The following FER variants were observed in gnomAD, a reference collection of about 807,000 sequenced individuals.
FER encodes the protein tyrosine-protein kinase Fer.
A neutral mutation model predicts 111.0 loss-of-function variants in FER; 63 were observed. That is an observed-to-expected ratio of 0.57 (90% CI 0.46 to 0.70). The LOEUF (loss-of-function observed/expected upper bound fraction) is 0.70, where lower values mean the gene tolerates loss of function less well. Ranked by LOEUF, FER falls within the 30% of genes least tolerant of loss-of-function variation. The pLI is 0.00. For synonymous variants in FER, 327 were observed against 313.9 expected (o/e 1.04, Z -0.44); for missense variants, 914 against 954.0 (o/e 0.96, Z 0.55).
intron 16 of FER, chr5:109,051,474 G>A: frequency 6.2e-7 from 1 of 1,612,988 alleles, no homozygotes; most frequent in Non-Finnish European, 8.5e-7. Flanking sequence ...GTGCGTGGGA[G>A]TTAGAGATGG....
intron 1 of FER, among the ~76,000 whole-genome samples, chr5:108,750,689 A>T (rs1409200232): frequency 1.3e-5 from 2 of 152,244 alleles, no homozygotes. Context: ...TTTACATTTC[A>T]TCTTCGATGT....
chr5:109,174,941 CA>C (rs1757521383), intron 17 of FER, among the ~76,000 whole-genome samples: 1 of 152,176 alleles, frequency 6.6e-6, no homozygotes, highest in Non-Finnish European at 1.5e-5. Flanking sequence ...TGACCTTGGG[CA>C]AGTTGATTAG....
chr5:109,052,728 A>G lies in FER; in HGVS notation c.1924+5530A>G, dbSNP rs935481398. 5.9e-5 allele frequency among the ~76,000 whole-genome samples: 9 copies of G among 152,238 alleles called. No homozygotes were observed. The East Asian group carries it at 1.5e-3, about 26-fold the overall frequency. ...CCTGGATAATCTTATTTTAAGGTCA[A>G]CTGTACATGATAGAACATATTATGA... is the stretch of plus-strand genomic sequence containing the variant. On this transcript the variant is annotated intron_variant, in intron 16 of 19. Coordinates refer to ENST00000281092, the MANE Select transcript of FER (RefSeq NM_005246.4).
At chr5:108,898,573 C>T (rs1265570972) in intron 10 of FER, among the ~76,000 whole-genome samples, 2 of 123,838 alleles carry the variant, frequency 1.6e-5, no homozygotes, top group Admixed American at 8.3e-5. Flanking sequence ...TCCCTTCCCT[C>T]CCTTCCCCTC....
At chr5:109,079,401 G>T (rs973059608) in intron 16 of FER, among the ~76,000 whole-genome samples, 3 of 152,080 alleles carry the variant, frequency 2.0e-5, no homozygotes, top group Non-Finnish European at 4.4e-5. Flanking sequence ...TTGAAGGCTT[G>T]TTTGACATCG....
chr5:109,118,663 A>G (rs905365891), intron 17 of FER, among the ~76,000 whole-genome samples: 17 of 151,968 alleles, frequency 1.1e-4, no homozygotes, highest in South Asian at 4.2e-4. Context: ...GTAGGCTATT[A>G]ATTATTGCCT....
intron 17 of FER, among the ~76,000 whole-genome samples, chr5:109,169,547 A>G (rs1756892071): frequency 6.6e-6 from 1 of 152,200 alleles, no homozygotes; most frequent in African/African-American, 2.4e-5. Context: ...ATTTTAAAAG[A>G]ATGTAAATGG....
intron 10 of FER, among the ~76,000 whole-genome samples, chr5:108,930,668 T>C (rs1754535596): frequency 7.3e-6 from 1 of 137,128 alleles, no homozygotes; most frequent in Non-Finnish European, 1.6e-5. Context: ...TCTCCCAGGC[T>C]GGTTGTGCCA....
At chr5:108,805,534 G>A (rs1757115521) in intron 3 of FER, among the ~76,000 whole-genome samples, 1 of 152,210 alleles carries the variant, frequency 6.6e-6, no homozygotes. Context: ...ATGTGGGAAA[G>A]TTTGGAACTT....
intron 12 of FER, 141 bp downstream of exon 12, chr5:108,955,073 C>T (rs1321239075): frequency 1.6e-5 from 9 of 563,832 alleles, no homozygotes; most frequent in African/African-American, 9.6e-5. Flanking sequence ...TTCTTAAATA[C>T]AGTGCTTCAA....
chr5:109,077,759 C>A (rs1216610535), intron 16 of FER, among the ~76,000 whole-genome samples: 2 of 152,052 alleles, frequency 1.3e-5, no homozygotes, highest in Non-Finnish European at 2.9e-5. Context: ...TATTAAGGAA[C>A]AATGAAAAAG....
intron 5 of FER, among the ~76,000 whole-genome samples, chr5:108,849,137 G>C (rs1762306101): frequency 6.6e-6 from 1 of 151,976 alleles, no homozygotes; most frequent in Non-Finnish European, 1.5e-5. Flanking sequence ...TTTTATTAAA[G>C]TTTTAATTTA....
chr5:108,772,327 T>C lies in FER; in HGVS notation c.-60+4089T>C, dbSNP rs1054143033. Among the ~76,000 whole-genome samples, 8 of 149,664 alleles carry C rather than the reference T, an allele frequency of 5.3e-5. No homozygotes were observed. The South Asian group carries it at 1.5e-3, about 27-fold the overall frequency. ...TGCCATATATATATGTATGTATATA[T>C]ATATACACATATATATGTATATATT... On this transcript the variant is annotated intron_variant, in intron 2 of 19. Coordinates refer to ENST00000281092, the MANE Select transcript of FER (RefSeq NM_005246.4).
At chr5:108,911,171 C>T (rs191287715) in intron 10 of FER, among the ~76,000 whole-genome samples, 9 of 152,030 alleles carry the variant, frequency 5.9e-5, no homozygotes, top group South Asian at 2.1e-4. Context: ...TTCTGACTGA[C>T]GTAAAATGAT....
intron 2 of FER, among the ~76,000 whole-genome samples, chr5:108,774,487 C>G (rs1753270786): frequency 6.6e-6 from 1 of 152,132 alleles, no homozygotes; most frequent in Non-Finnish European, 1.5e-5. Flanking sequence ...ATACTGTCTT[C>G]CACAATGGTT....
chr5:108,779,848 C>T (rs1040813115), intron 2 of FER, among the ~76,000 whole-genome samples: 2 of 152,176 alleles, frequency 1.3e-5, no homozygotes, highest in Non-Finnish European at 2.9e-5. Flanking sequence ...GGTGACGGGA[C>T]AACCTTGCCT....
chr5:109,119,457 G>A (rs957809768), intron 17 of FER, among the ~76,000 whole-genome samples: 8 of 152,112 alleles, frequency 5.3e-5, no homozygotes, highest in Admixed American at 4.6e-4. Flanking sequence ...AATAAGTGCA[G>A]TGTGGTGCTA....
intron 9 of FER, among the ~76,000 whole-genome samples, chr5:108,894,934 A>G (rs538278719): frequency 2.0e-5 from 3 of 152,184 alleles, no homozygotes; most frequent in Non-Finnish European, 4.4e-5. Flanking sequence ...TAGGGGGGCT[A>G]CAATTTGAGA....
At chr5:109,181,799 T>A (rs904257658) in intron 18 of FER, among the ~76,000 whole-genome samples, 1 of 152,232 alleles carries the variant, frequency 6.6e-6, no homozygotes, top group African/African-American at 2.4e-5. Context: ...TGAACAATCA[T>A]TGGCATTTAG....
Sources: allele counts gnomAD v4.1 joint callset (sites outside exome capture counted in the v4.1 genomes callset), GRCh38; gene constraint gnomAD v4.1.1; transcripts MANE v1.5; gene names NCBI Gene and HGNC (gene_info 2026-07-23, HGNC 2026-07-21).